QTMAN: variants seen among roughly 807,000 people sequenced by gnomAD.
QTMAN encodes tRNA-queuosine alpha-mannosyltransferase.
the QTMAN span, among the ~76,000 whole-genome samples, chr2:144,001,209 A>G: frequency 6.6e-6 from 1 of 152,006 alleles, no homozygotes. Flanking sequence ...GGTGAAACAG[A>G]GTAATTTATT....
At chr2:144,225,410 T>A in the QTMAN span, among the ~76,000 whole-genome samples, 2 of 152,184 alleles carry the variant, frequency 1.3e-5, no homozygotes, top group Non-Finnish European at 2.9e-5. Flanking sequence ...TTTATAGATA[T>A]CTTGATGTCA....
the QTMAN span, among the ~76,000 whole-genome samples, chr2:144,180,254 AC>A: frequency 6.6e-6 from 1 of 152,274 alleles, no homozygotes; most frequent in East Asian, 1.9e-4. Context: ...GTTAAAAGAT[AC>A]GCAATTTGAT....
the QTMAN span, among the ~76,000 whole-genome samples, chr2:144,012,688 C>T: frequency 6.6e-6 from 1 of 152,092 alleles, no homozygotes; most frequent in Non-Finnish European, 1.5e-5. Context: ...TACAGAATCT[C>T]ATAAATAAAT....
At chr2:144,029,566 G>A in the QTMAN span, among the ~76,000 whole-genome samples, 1 of 152,124 alleles carries the variant, frequency 6.6e-6, no homozygotes, top group South Asian at 2.1e-4. Context: ...AGAAAATAAT[G>A]AATAAATAGG....
At chr2:143,970,882 G>T in the QTMAN span, 1 of 640,800 alleles carries the variant, frequency 1.6e-6, no homozygotes, top group South Asian at 1.9e-5. Flanking sequence ...GGAGCCTCTG[G>T]TATCCAAGTG....
chr2:144,230,208 C>G, the QTMAN span: 7 of 152,070 alleles, frequency 4.6e-5, no homozygotes, highest in African/African-American at 1.7e-4. Flanking sequence ...ATAAACTGAA[C>G]AGACAGCGTA....
chr2:144,194,568 G>A, the QTMAN span, among the ~76,000 whole-genome samples: 1,676 of 152,264 alleles, frequency 0.011, 27 homozygotes, highest in African/African-American at 0.037. Context: ...TTTGTGGTTT[G>A]GAGTTGTGAA....
the QTMAN span, among the ~76,000 whole-genome samples, chr2:144,207,448 T>G: frequency 6.6e-6 from 1 of 152,174 alleles, no homozygotes; most frequent in East Asian, 1.9e-4. Flanking sequence ...GTAGAGGTAC[T>G]GGAGGCAAGA....
At chr2:144,332,744 C>CT in the QTMAN span, among the ~76,000 whole-genome samples, 3 of 152,056 alleles carry the variant, frequency 2.0e-5, no homozygotes, top group Non-Finnish European at 4.4e-5. Flanking sequence ...CACCTGCCCA[C>CT]TGTCCCCCGG....
At chr2:144,055,866 A>C in the QTMAN span, among the ~76,000 whole-genome samples, 1 of 152,178 alleles carries the variant, frequency 6.6e-6, no homozygotes, top group Non-Finnish European at 1.5e-5. Flanking sequence ...AAGTTCATCA[A>C]GCGGCAAAGT....
the QTMAN span, among the ~76,000 whole-genome samples, chr2:144,130,380 T>C: frequency 2.6e-5 from 4 of 152,030 alleles, no homozygotes; most frequent in Middle Eastern, 6.8e-3. Flanking sequence ...CAGTACAGCA[T>C]AGTAAGGTAG....
chr2:144,242,366 C>A, the QTMAN span, among the ~76,000 whole-genome samples: 1 of 151,768 alleles, frequency 6.6e-6, no homozygotes, highest in Non-Finnish European at 1.5e-5. Flanking sequence ...TAAGTGTGAT[C>A]CACTCTTTAC....
the QTMAN span, among the ~76,000 whole-genome samples, chr2:144,070,822 A>G: frequency 1.3e-5 from 2 of 152,182 alleles, no homozygotes; most frequent in East Asian, 1.9e-4. Context: ...GTCAAGCAAT[A>G]TATCAGAAAC....
chr2:144,028,890 A>G, the QTMAN span, among the ~76,000 whole-genome samples: 1 of 152,136 alleles, frequency 6.6e-6, no homozygotes, highest in Non-Finnish European at 1.5e-5. Context: ...TTTCCCTCTC[A>G]CTAAAGTGGT....
the QTMAN span, among the ~76,000 whole-genome samples, chr2:144,290,580 G>A: frequency 1.3e-5 from 2 of 152,148 alleles, no homozygotes; most frequent in African/African-American, 4.8e-5. Context: ...GCTGTCAATG[G>A]TTTAGAAGGC....
chr2:144,244,902 GAAGC>G, the QTMAN span, among the ~76,000 whole-genome samples: 1 of 152,184 alleles, frequency 6.6e-6, no homozygotes, highest in Admixed American at 6.5e-5. Flanking sequence ...AACGTGGAAA[GAAGC>G]AAGCTTAAGA....
chr2:144,184,225 T>C, the QTMAN span, among the ~76,000 whole-genome samples: 3 of 152,162 alleles, frequency 2.0e-5, no homozygotes, highest in African/African-American at 4.8e-5. Flanking sequence ...TGCACTATAC[T>C]GAATATAAGT....
At chr2:144,163,277 A>G in the QTMAN span, among the ~76,000 whole-genome samples, 8 of 151,912 alleles carry the variant, frequency 5.3e-5, no homozygotes, top group African/African-American at 1.9e-4. Flanking sequence ...ACAATTATAT[A>G]TTACTTTTAA....
chr2:144,014,772 T>C, the QTMAN span, among the ~76,000 whole-genome samples: 1 of 152,216 alleles, frequency 6.6e-6, no homozygotes, highest in Non-Finnish European at 1.5e-5. Flanking sequence ...GGGATATATA[T>C]GGGCTGTTAT....
Sources: allele counts gnomAD v4.1 joint callset (sites outside exome capture counted in the v4.1 genomes callset), GRCh38; gene constraint gnomAD v4.1.1; transcripts MANE v1.5; gene names NCBI Gene and HGNC (gene_info 2026-07-23, HGNC 2026-07-21).